Variants in TMEM181 observed in about 807,000 individuals in gnomAD.
TMEM181 encodes G protein-coupled receptor 178.
Under a neutral mutation model 71.9 loss-of-function variants are expected in TMEM181, and 39 were observed. That is an observed-to-expected ratio of 0.54 (90% confidence interval 0.42 to 0.71). The LOEUF (loss-of-function observed/expected upper bound fraction) is 0.71. TMEM181 is among the 30% of genes least tolerant of loss of function. TMEM181 has a pLI of 0.00. For missense variants in TMEM181, 595 were observed against 583.0 expected, an observed-to-expected ratio of 1.02 and a Z score of -0.21; for synonymous variants, 245 against 228.8, an observed-to-expected ratio of 1.07 and a Z score of -0.64.
intron 10 of TMEM181, among the ~76,000 whole-genome samples, chr6:158,621,201 G>A (rs186695299): frequency 2.6e-5 from 4 of 152,322 alleles, no homozygotes; most frequent in African/African-American, 7.2e-5. Flanking sequence ...GAAGTTTGGT[G>A]CTTACCCAAG....
At chr6:158,569,139 T>G (rs1782668237) in intron 1 of TMEM181, among the ~76,000 whole-genome samples, 1 of 152,134 alleles carries the variant, frequency 6.6e-6, no homozygotes, top group African/African-American at 2.4e-5. Context: ...TGCTGGGCTG[T>G]TTCAGAACTT....
At chr6:158,594,679 C>T (rs990650541) in intron 6 of TMEM181, among the ~76,000 whole-genome samples, 4 of 152,102 alleles carry the variant, frequency 2.6e-5, no homozygotes, top group African/African-American at 9.7e-5. Context: ...CATAAGTTCT[C>T]AACTTCTTTT....
rs772691758 is a variant in TMEM181 at position 158,605,324 on chromosome 6, G to A, written c.550G>A (p.Val184Met). The A allele has an allele frequency of 2.5e-6, 4 of 1,613,850 alleles. No homozygotes were observed. The highest frequency in any genetic ancestry group is 1.7e-5 in the Admixed American group (1 of 60,000). The change falls in exon 7 of 17, where the codon GTG becomes ATG. Residue 184 changes from valine to methionine, a missense_variant. Coordinates refer to ENST00000684151, the MANE Select transcript of TMEM181 (RefSeq NM_001376852.1). The stretch of plus-strand genomic sequence containing the variant: ...GGAAATCTGGTTCCGGTTTTTCTTT[G>A]TGGTGCTCACCTTCATCGTCACTGT... ...RLEIWFRFFF[V>M]VLTFIVTCLF...
chr6:158,607,756 G>A (rs1160708699), intron 8 of TMEM181, among the ~76,000 whole-genome samples: 1 of 152,230 alleles, frequency 6.6e-6, no homozygotes, highest in African/African-American at 2.4e-5. Flanking sequence ...GAAGGAACAT[G>A]TAGCCGTGTG....
intron 1 of TMEM181, among the ~76,000 whole-genome samples, chr6:158,569,078 C>T (rs1272851120): frequency 6.6e-6 from 1 of 152,184 alleles, no homozygotes; most frequent in East Asian, 1.9e-4. Flanking sequence ...TGAGCTCAAA[C>T]GATCCTCCCC....
intron 6 of TMEM181, among the ~76,000 whole-genome samples, chr6:158,597,839 A>G (rs1784463422): frequency 6.6e-6 from 1 of 152,052 alleles, no homozygotes; most frequent in Non-Finnish European, 1.5e-5. Context: ...AAATCCATTC[A>G]TGGGGGCAGA....
chr6:158,618,034 G>A (rs1239574288), intron 10 of TMEM181, among the ~76,000 whole-genome samples: 5 of 152,202 alleles, frequency 3.3e-5, no homozygotes, highest in Non-Finnish European at 7.3e-5. Flanking sequence ...GGATATCCTT[G>A]TTAGCTTTCT....
chr6:158,560,098 C>T lies in TMEM181; in HGVS notation c.-127C>T, dbSNP rs1582939870. 8 of 985,006 alleles carry T rather than the reference C, an allele frequency of 8.1e-6. No homozygotes were observed. In the South Asian group the frequency reaches 2.8e-4, roughly 35 times the overall value. The allele number at this position is 985,006 out of a possible 1,614,324, so 61.0% of individuals were successfully genotyped here. ...TCGGCGTCGCGCTCTGATGAGTTTT[C>T]CGCGGCCGGCCGCTGCTCAGCCGCT... is the stretch of plus-strand genomic sequence containing the variant. On this transcript the variant is annotated 5_prime_UTR_variant, in exon 1 of 17. Transcript: ENST00000684151.
chr6:158,602,441 C>T (rs1373671153), intron 6 of TMEM181, among the ~76,000 whole-genome samples: 1 of 152,186 alleles, frequency 6.6e-6, no homozygotes, highest in Non-Finnish European at 1.5e-5. Flanking sequence ...TTAAGAAACT[C>T]ACAAACTGTT....
rs771820020 is a variant in TMEM181, at chr6:158,625,113, GTCT to G, written c.970_972del (p.Phe324del). On this transcript the variant is annotated inframe_deletion, in exon 12 of 17. Transcript: ENST00000684151. Reference sequence around the variant, plus strand: ...CCTTGTGTCCTCCTAGGGAATGAAGGTCTTCTTCATGGTGGTGGCAGCGGTGTA... The same window carrying G: ...CCTTGTGTCCTCCTAGGGAATGAAGGTCTTCATGGTGGTGGCAGCGGTGTA... The G allele has an allele frequency of 5.0e-6, 8 of 1,613,318 alleles. No homozygotes were observed. In the Admixed American group the frequency reaches 5.0e-5, roughly 10 times the overall value.
intron 4 of TMEM181, 54 bp from the exon 5 acceptor site, chr6:158,585,250 G>A: frequency 4.0e-6 from 6 of 1,516,524 alleles, no homozygotes; most frequent in Middle Eastern, 1.8e-4. Flanking sequence ...AGGCACCTTT[G>A]TAGGTGTGAT....
At chr6:158,621,477 G>A (rs1338421304) in intron 10 of TMEM181, 3 of 213,974 alleles carry the variant, frequency 1.4e-5, no homozygotes, top group African/African-American at 7.0e-5. Context: ...GGGTTTTCAG[G>A]CGCTTGGGGC....
chr6:158,599,908 CAG>C (rs1306175268), intron 6 of TMEM181, among the ~76,000 whole-genome samples: 3 of 152,224 alleles, frequency 2.0e-5, no homozygotes, highest in East Asian at 1.9e-4. Flanking sequence ...CTGCTGCTGA[CAG>C]GGGCGGCCTC....
intron 1 of TMEM181, among the ~76,000 whole-genome samples, chr6:158,545,351 T>C (rs1425559930): frequency 6.6e-6 from 1 of 152,228 alleles, no homozygotes; most frequent in East Asian, 1.9e-4. Flanking sequence ...GGGACTGGCC[T>C]CCCCTGGCCT....
At chr6:158,584,379 C>T (rs552811441) in intron 4 of TMEM181, among the ~76,000 whole-genome samples, 1 of 152,216 alleles carries the variant, frequency 6.6e-6, no homozygotes, top group East Asian at 1.9e-4. Context: ...CCCAGGGACA[C>T]TTGCCAATGT....
intron 10 of TMEM181, among the ~76,000 whole-genome samples, chr6:158,618,159 C>T (rs919024621): frequency 6.6e-6 from 1 of 152,198 alleles, no homozygotes; most frequent in Non-Finnish European, 1.5e-5. Flanking sequence ...AATCTGGTTG[C>T]TCCTGTATTG....
rs752371449 is a variant in TMEM181 at position 158,620,376 on chromosome 6, A to G, written c.897-3174A>G. Among the ~76,000 whole-genome samples, 4 of 152,148 alleles carry G rather than the reference A, an allele frequency of 2.6e-5. No homozygotes were observed. The highest frequency in any genetic ancestry group is 5.9e-5 in the Non-Finnish European group (4 of 68,012). ...CTGGGACGGCAGACCGAACTTTCTC[A>G]GGTACCACGAGAAAGCCAGGAGAAG... On this transcript the variant is annotated intron_variant, in intron 10 of 16. Transcript: ENST00000684151. The surrounding 1 kb of genome is among the most constrained non-coding windows in gnomAD (Gnocchi z 4.5).
intron 10 of TMEM181, chr6:158,609,904 C>A: frequency 4.3e-6 from 1 of 234,528 alleles, no homozygotes. Context: ...GTGGGATCTG[C>A]CTCAGCACTT....
intron 3 of TMEM181, 47 bp from the exon 4 acceptor site, chr6:158,583,907 G>T: frequency 2.1e-6 from 3 of 1,425,786 alleles, no homozygotes; most frequent in South Asian, 2.5e-5. Context: ...GTATTTGGTA[G>T]ACTCAATGAA....
Sources: gnomAD v4.1 joint callset for allele counts (sites outside exome capture counted in the v4.1 genomes callset) on GRCh38, gnomAD v4.1.1 for gene constraint, Gnocchi (gnomAD v3.1) non-coding constraint, MANE v1.5 for transcripts, NCBI Gene and HGNC (gene_info 2026-07-23, HGNC 2026-07-21) for gene names.